The following NKAIN2 variants were observed in gnomAD, a reference collection of about 807,000 sequenced individuals.
NKAIN2 encodes the protein sodium/potassium transporting ATPase interacting 2.
NKAIN2 carries 14 observed loss-of-function variants against 32.6 expected under a neutral mutation model. The ratio of observed to expected loss-of-function variants is 0.43; its 90% CI spans 0.28 to 0.67. NKAIN2 has a LOEUF of 0.67. Among genes scored for constraint, NKAIN2 ranks in the 30% least tolerant of loss-of-function variants. NKAIN2 has a pLI of 0.17. For synonymous variants in NKAIN2, 80 were observed against 87.2 expected, an observed-to-expected ratio of 0.92 and a Z score of 0.46; for missense variants, 198 against 258.3, an observed-to-expected ratio of 0.77 and a Z score of 1.60.
intron 6 of NKAIN2, among the ~76,000 whole-genome samples, chr6:124,822,885 G>C (rs1401340312): frequency 1.3e-5 from 2 of 152,104 alleles, no homozygotes; most frequent in Non-Finnish European, 2.9e-5. Flanking sequence ...GTAGAGATCT[G>C]ATTGGGCTTC....
At chr6:124,784,166 C>G in intron 4 of NKAIN2, among the ~76,000 whole-genome samples, 1 of 152,028 alleles carries the variant, frequency 6.6e-6, no homozygotes, top group Non-Finnish European at 1.5e-5. Context: ...TTCAAGTAAA[C>G]TTTTATGGTG....
chr6:123,986,834 T>A (rs553033399), intron 1 of NKAIN2, among the ~76,000 whole-genome samples: 1 of 152,288 alleles, frequency 6.6e-6, no homozygotes, highest in East Asian at 1.9e-4. Flanking sequence ...TCCAAAGATT[T>A]GAGTCAAGAA....
At chr6:124,268,796 T>C (rs1482139686) in intron 1 of NKAIN2, among the ~76,000 whole-genome samples, 1 of 152,036 alleles carries the variant, frequency 6.6e-6, no homozygotes, top group Non-Finnish European at 1.5e-5. Context: ...GCTGAAGTGA[T>C]ATCATAATGT....
At chr6:124,742,782 T>TA (rs1379378815) in intron 4 of NKAIN2, among the ~76,000 whole-genome samples, 1 of 151,780 alleles carries the variant, frequency 6.6e-6, no homozygotes, top group Admixed American at 6.6e-5. Context: ...CGCCCTTACC[T>TA]AGGACATCAT....
At chr6:124,735,633 CAT>C (rs1776896568) in intron 4 of NKAIN2, among the ~76,000 whole-genome samples, 1 of 151,824 alleles carries the variant, frequency 6.6e-6, no homozygotes, top group East Asian at 1.9e-4. Context: ...TTTCCAATAA[CAT>C]ATGCTCACTT....
intron 2 of NKAIN2, among the ~76,000 whole-genome samples, chr6:124,295,492 T>C (rs1796009893): frequency 6.6e-6 from 1 of 152,150 alleles, no homozygotes. Flanking sequence ...ACCTGCTTTT[T>C]ATTATTGCTT....
At chr6:124,328,478 T>C (rs1174180477) in intron 2 of NKAIN2, among the ~76,000 whole-genome samples, 2 of 152,222 alleles carry the variant, frequency 1.3e-5, no homozygotes, top group Non-Finnish European at 2.9e-5. Flanking sequence ...TGCTATAATC[T>C]GTAGTGATTT....
intron 1 of NKAIN2, among the ~76,000 whole-genome samples, chr6:123,977,290 A>T (rs994108188): frequency 6.6e-6 from 1 of 152,178 alleles, no homozygotes; most frequent in Non-Finnish European, 1.5e-5. Flanking sequence ...GTGTGCCTGT[A>T]TGCCTAGCTA....
intron 1 of NKAIN2, among the ~76,000 whole-genome samples, chr6:123,881,551 G>A (rs1366591916): frequency 6.6e-6 from 1 of 152,148 alleles, no homozygotes; most frequent in African/African-American, 2.4e-5. Flanking sequence ...CTATAAAGAT[G>A]TATTAGCCAA....
intron 1 of NKAIN2, among the ~76,000 whole-genome samples, chr6:124,171,045 GA>G (rs1195400253): frequency 1.3e-5 from 2 of 151,786 alleles, no homozygotes; most frequent in African/African-American, 4.8e-5. Flanking sequence ...TTTTTTTTTA[GA>G]AAATTTCATT....
intron 1 of NKAIN2, among the ~76,000 whole-genome samples, chr6:123,875,458 T>G (rs531752023): frequency 3.5e-4 from 53 of 152,052 alleles, no homozygotes; most frequent in Non-Finnish European, 6.9e-4. Context: ...TTCATATTTA[T>G]TCTACGAAAT....
intron 2 of NKAIN2, among the ~76,000 whole-genome samples, chr6:124,304,760 A>G (rs1169179053): frequency 4.6e-5 from 7 of 151,598 alleles, no homozygotes; most frequent in Admixed American, 2.6e-4. Flanking sequence ...CTAAAATACA[A>G]AAAATTAGCC....
intron 3 of NKAIN2, chr6:124,390,849 C>T (rs1773109738): frequency 6.6e-6 from 1 of 151,950 alleles, no homozygotes; most frequent in African/African-American, 2.4e-5. Flanking sequence ...CAAGGCTGGC[C>T]CTGCATCTAT....
At chr6:124,088,051 G>A (rs78433331) in intron 1 of NKAIN2, among the ~76,000 whole-genome samples, 3,784 of 152,082 alleles carry the variant, frequency 0.025, 143 homozygotes, top group African/African-American at 0.08. Flanking sequence ...AGCAGTGCAC[G>A]TTAGAGTCTC....
At chr6:124,379,384 A>C (rs1225233087) in intron 3 of NKAIN2, among the ~76,000 whole-genome samples, 1 of 141,518 alleles carries the variant, frequency 7.1e-6, no homozygotes, top group Non-Finnish European at 1.5e-5. Flanking sequence ...GGAGGAAAGA[A>C]GGGAGGAAGG....
intron 1 of NKAIN2, among the ~76,000 whole-genome samples, chr6:124,164,218 AT>A (rs575785777): frequency 6.6e-6 from 1 of 151,980 alleles, no homozygotes; most frequent in East Asian, 1.9e-4. Flanking sequence ...ATATACTTTC[AT>A]TTTTTGCCAC....
intron 3 of NKAIN2, among the ~76,000 whole-genome samples, chr6:124,515,701 T>C (rs1778882302): frequency 1.2e-3 from 4 of 3,352 alleles, no homozygotes; most frequent in Non-Finnish European, 0.025. Context: ...ACTTCATTTT[T>C]CTTCGCTTTC....
intron 1 of NKAIN2, among the ~76,000 whole-genome samples, chr6:123,990,554 AG>A (rs1242159152): frequency 6.6e-6 from 1 of 152,128 alleles, no homozygotes; most frequent in Non-Finnish European, 1.5e-5. Context: ...TGTTGCAATA[AG>A]GGGTTTGGTT....
chr6:124,000,551 A>G (rs1228902892), intron 1 of NKAIN2, among the ~76,000 whole-genome samples: 1 of 152,064 alleles, frequency 6.6e-6, no homozygotes, highest in Non-Finnish European at 1.5e-5. Flanking sequence ...AAAAAAGAAG[A>G]GATCCTTGTT....
Sources: gnomAD v4.1 joint callset for allele counts (sites outside exome capture counted in the v4.1 genomes callset) on GRCh38, gnomAD v4.1.1 for gene constraint, MANE v1.5 for transcripts, NCBI Gene and HGNC (gene_info 2026-07-23, HGNC 2026-07-21) for gene names.